LRRC1: variants seen among roughly 807,000 people sequenced by gnomAD.
LRRC1 encodes the protein leucine-rich repeat-containing protein 1.
Under a neutral mutation model 69.9 loss-of-function variants are expected in LRRC1, and 28 were observed. The ratio of observed to expected loss-of-function variants is 0.40; its 90% confidence interval spans 0.30 to 0.55. LRRC1 has a LOEUF of 0.55. LRRC1 is among the 20% of genes least tolerant of loss of function. The probability of loss-of-function intolerance (pLI) is 0.47; values close to 1 mark genes in which losing one functional copy is unlikely to be tolerated. For missense variants in LRRC1, 498 were observed against 609.0 expected, an observed-to-expected ratio of 0.82 and a Z score of 1.92; for synonymous variants, 236 against 240.2, an observed-to-expected ratio of 0.98 and a Z score of 0.16.
At chr6:53,888,377 A>G (rs1191193308) in intron 4 of LRRC1, among the ~76,000 whole-genome samples, 1 of 152,200 alleles carries the variant, frequency 6.6e-6, no homozygotes, top group Non-Finnish European at 1.5e-5. Flanking sequence ...AAAGTATAAA[A>G]TTCTTAGGAT....
intron 11 of LRRC1, among the ~76,000 whole-genome samples, chr6:53,915,337 A>G (rs1010874247): frequency 6.6e-6 from 1 of 152,182 alleles, no homozygotes; most frequent in African/African-American, 2.4e-5. Flanking sequence ...GCCTCAGGGA[A>G]TGCTCACCTT....
At chr6:53,894,051 GTATA>G (rs1244360308) in intron 4 of LRRC1, among the ~76,000 whole-genome samples, 1 of 152,232 alleles carries the variant, frequency 6.6e-6, no homozygotes, top group Non-Finnish European at 1.5e-5. Flanking sequence ...TAAGACTTAT[GTATA>G]TACCTAAAAC....
At chr6:53,913,153 A>G (rs1277532472) in intron 10 of LRRC1, among the ~76,000 whole-genome samples, 2 of 148,334 alleles carry the variant, frequency 1.3e-5, no homozygotes, top group Non-Finnish European at 3.0e-5. Flanking sequence ...GGAGGTGTTG[A>G]TTTGTGTGCT....
chr6:53,801,216 G>A (rs1764476237), intron 1 of LRRC1, among the ~76,000 whole-genome samples: 2 of 152,202 alleles, frequency 1.3e-5, no homozygotes, highest in African/African-American at 2.4e-5. Context: ...CAAGCAGAAT[G>A]TGAATGCAGG....
chr6:53,886,767 A>C (rs1476640409), intron 4 of LRRC1, among the ~76,000 whole-genome samples: 1 of 152,166 alleles, frequency 6.6e-6, no homozygotes, highest in Non-Finnish European at 1.5e-5. Context: ...TGCCTTCCCC[A>C]ATGATTGACA....
At chr6:53,900,162 C>T (rs576841608) in intron 8 of LRRC1, among the ~76,000 whole-genome samples, 11 of 151,610 alleles carry the variant, frequency 7.3e-5, no homozygotes, top group South Asian at 4.2e-4. Context: ...CTCAGCCTCC[C>T]GAATAGCTGG....
intron 1 of LRRC1, among the ~76,000 whole-genome samples, chr6:53,821,610 T>C (rs1334226325): frequency 6.6e-6 from 1 of 152,214 alleles, no homozygotes; most frequent in African/African-American, 2.4e-5. Context: ...TATCCTCATT[T>C]GCTCTTAGAA....
chr6:53,847,980 A>C (rs892214149), intron 2 of LRRC1, among the ~76,000 whole-genome samples: 3 of 152,192 alleles, frequency 2.0e-5, no homozygotes, highest in African/African-American at 7.2e-5. Flanking sequence ...GACTTGCCAC[A>C]ATTAAGCCAT....
rs186446655 is a variant in LRRC1 at position 53,881,895 on chromosome 6, T to A, written c.357-992T>A. Among the ~76,000 whole-genome samples, 10 of 152,336 alleles carry A rather than the reference T, an allele frequency of 6.6e-5. No homozygotes were observed. The East Asian group carries it at 1.5e-3, about 23-fold the overall frequency. ...ATGGAAACCATAGAAATATTGAAAC[T>A]AAACTTTCTTTGTAAATTTTAAATC... On this transcript the variant is annotated intron_variant, in intron 3 of 13. Coordinates refer to ENST00000370888, the MANE Select transcript of LRRC1 (RefSeq NM_018214.5).
At chr6:53,870,603 A>T (rs113298972) in intron 2 of LRRC1, among the ~76,000 whole-genome samples, 1,854 of 152,256 alleles carry the variant, frequency 0.012, 21 homozygotes, top group Admixed American at 0.02. Context: ...TAGTTAGCAT[A>T]TTTGTGACCT....
At chr6:53,910,673 C>T (rs967371313) in intron 10 of LRRC1, among the ~76,000 whole-genome samples, 6 of 152,078 alleles carry the variant, frequency 3.9e-5, no homozygotes, top group African/African-American at 1.4e-4. Context: ...CTATGATAGG[C>T]GCCAAATTAT....
chr6:53,807,522 A>C (rs1403771325), intron 1 of LRRC1, among the ~76,000 whole-genome samples: 1 of 152,168 alleles, frequency 6.6e-6, no homozygotes, highest in African/African-American at 2.4e-5. Flanking sequence ...GAGGCGGGCA[A>C]ATCACCTGAG....
chr6:53,889,853 A>T (rs1225995297), intron 4 of LRRC1, among the ~76,000 whole-genome samples: 8 of 152,214 alleles, frequency 5.3e-5, no homozygotes, highest in African/African-American at 1.9e-4. Flanking sequence ...CTGCTGAAGG[A>T]TGATGTTATA....
At chr6:53,920,887 T>A in intron 13 of LRRC1, 126 bp downstream of exon 13, 1 of 1,103,886 alleles carries the variant, frequency 9.1e-7, no homozygotes, top group South Asian at 1.6e-5. Flanking sequence ...ATTTAGGAAT[T>A]TTTTTAGAAG....
intron 4 of LRRC1, among the ~76,000 whole-genome samples, chr6:53,886,765 C>T (rs1289848513): frequency 1.3e-5 from 2 of 152,162 alleles, no homozygotes; most frequent in African/African-American, 2.4e-5. Flanking sequence ...CATGCCTTCC[C>T]CAATGATTGA....
chr6:53,830,773 T>G (rs1025144527), intron 1 of LRRC1, among the ~76,000 whole-genome samples: 1 of 151,786 alleles, frequency 6.6e-6, no homozygotes, highest in Non-Finnish European at 1.5e-5. Context: ...ACAATTAGGT[T>G]GGTTAGGTTG....
intron 3 of LRRC1, among the ~76,000 whole-genome samples, chr6:53,881,540 TC>T (rs1439113306): frequency 1.3e-5 from 2 of 152,228 alleles, no homozygotes; most frequent in African/African-American, 4.8e-5. Context: ...TGTTACCTGT[TC>T]CTCAGAACAA....
intron 1 of LRRC1, among the ~76,000 whole-genome samples, chr6:53,807,484 G>A (rs1764666089): frequency 6.6e-6 from 1 of 152,204 alleles, no homozygotes. Context: ...AGTGGCTTAC[G>A]CCTGTAATCC....
chr6:53,893,766 C>G (rs149169420), intron 4 of LRRC1, among the ~76,000 whole-genome samples: 1 of 152,192 alleles, frequency 6.6e-6, no homozygotes, highest in East Asian at 1.9e-4. Flanking sequence ...ACCCATACAT[C>G]CACATTTTCT....
Sources: allele counts gnomAD v4.1 joint callset (sites outside exome capture counted in the v4.1 genomes callset), GRCh38; gene constraint gnomAD v4.1.1; transcripts MANE v1.5; gene names NCBI Gene and HGNC (gene_info 2026-07-23, HGNC 2026-07-21).